Variants in RBFOX1 observed in about 807,000 individuals in gnomAD.
The protein encoded by RBFOX1 is RNA binding protein fox-1 homolog 1.
Under a neutral mutation model 57.7 loss-of-function variants are expected in RBFOX1, and 8 were observed. That is an observed-to-expected ratio of 0.14 (90% confidence interval 0.08 to 0.25). The LOEUF (loss-of-function observed/expected upper bound fraction) is 0.25, where lower values mean the gene tolerates loss of function less well. RBFOX1 is among the 10% of genes least tolerant of loss of function. RBFOX1 has a pLI of 1.00. For missense variants in RBFOX1, 611 were observed against 548.5 expected, an observed-to-expected ratio of 1.11 and a Z score of -1.14; for synonymous variants, 326 against 222.4, an observed-to-expected ratio of 1.47 and a Z score of -4.15.
intron 11 of RBFOX1, among the ~76,000 whole-genome samples, chr16:7,634,669 A>G (rs570242171): frequency 8.9e-4 from 135 of 152,258 alleles, no homozygotes; most frequent in African/African-American, 3.2e-3. Context: ...GTGTCCATAC[A>G]ACTAATTCCG....
At chr16:7,345,134 C>G (rs188710599) in intron 4 of RBFOX1, among the ~76,000 whole-genome samples, 19 of 152,204 alleles carry the variant, frequency 1.2e-4, no homozygotes, top group African/African-American at 2.9e-4. Flanking sequence ...AATACACTTT[C>G]TGTTTTCCGT....
Position 7,279,905 on chromosome 16 carries a change from G to T in RBFOX1, c.27+227807G>T, listed in dbSNP as rs80130402. ...GGAAATTGATCATTGGCTCATTATG[G>T]TCCTGATCAGGTATGACCTTTGAGA... On this transcript the variant is annotated intron_variant, in intron 4 of 15. Transcript: ENST00000550418. Among the ~76,000 whole-genome samples, 12 of 152,284 alleles carry T rather than the reference G, an allele frequency of 7.9e-5. No homozygotes were observed. The East Asian group carries it at 1.9e-3, about 25-fold the overall frequency.
chr16:6,642,250 G>A (rs1282110401), intron 2 of RBFOX1, among the ~76,000 whole-genome samples: 2 of 152,176 alleles, frequency 1.3e-5, no homozygotes, highest in African/African-American at 4.8e-5. Flanking sequence ...ATCTCGAGAA[G>A]TATTCTTCTT....
At chr16:6,366,087 G>A (rs1208286453) in intron 2 of RBFOX1, among the ~76,000 whole-genome samples, 1 of 49,746 alleles carries the variant, frequency 2.0e-5, no homozygotes, top group African/African-American at 5.5e-5. Flanking sequence ...GCCATTCTAT[G>A]TGTGTGTGTG....
chr16:6,183,953 G>A (rs768329456), intron 1 of RBFOX1, among the ~76,000 whole-genome samples: 13 of 152,192 alleles, frequency 8.5e-5, no homozygotes, highest in Non-Finnish European at 1.2e-4. Context: ...ACATACCTGA[G>A]AGTGGGTCAT....
intron 1 of RBFOX1, among the ~76,000 whole-genome samples, chr16:6,295,560 A>C (rs1239587372): frequency 6.6e-6 from 1 of 152,228 alleles, no homozygotes; most frequent in Non-Finnish European, 1.5e-5. Flanking sequence ...ATTCCAATAC[A>C]CCAATGAGAG....
chr16:7,080,126 A>G (rs1352150477), intron 4 of RBFOX1, among the ~76,000 whole-genome samples: 1 of 149,666 alleles, frequency 6.7e-6, no homozygotes, highest in East Asian at 2.0e-4. Context: ...AAAAAAGACT[A>G]GTATACTTTA....
intron 4 of RBFOX1, among the ~76,000 whole-genome samples, chr16:7,512,238 C>T (rs1165863700): frequency 1.3e-5 from 2 of 152,312 alleles, no homozygotes; most frequent in East Asian, 3.9e-4. Flanking sequence ...CAGCTTCCAA[C>T]CCAGGAGCCT....
At chr16:5,774,021 C>G (rs1435088147) in intron 3 of RBFOX1, among the ~76,000 whole-genome samples, 2 of 152,140 alleles carry the variant, frequency 1.3e-5, no homozygotes, top group East Asian at 3.9e-4. Flanking sequence ...TCGATACTGC[C>G]CATTTGCCCT....
At chr16:5,376,265 A>G (rs1354301057) in intron 1 of RBFOX1, among the ~76,000 whole-genome samples, 4 of 151,922 alleles carry the variant, frequency 2.6e-5, no homozygotes, top group Non-Finnish European at 5.9e-5. Flanking sequence ...TTCTGAGAGC[A>G]TGCGCGGAAC....
intron 4 of RBFOX1, among the ~76,000 whole-genome samples, chr16:5,875,224 A>T (rs1208932282): frequency 2.6e-5 from 4 of 152,200 alleles, no homozygotes; most frequent in African/African-American, 9.6e-5. Flanking sequence ...AATAACTGTG[A>T]ATGCCTCCAT....
chr16:5,273,651 T>C (rs565371146), intron 1 of RBFOX1, among the ~76,000 whole-genome samples: 8 of 151,916 alleles, frequency 5.3e-5, no homozygotes, highest in Admixed American at 4.6e-4. Flanking sequence ...GAAGAGAAGG[T>C]TTTTGTGAGT....
chr16:5,631,298 C>A (rs969232533), intron 3 of RBFOX1, among the ~76,000 whole-genome samples: 1 of 152,140 alleles, frequency 6.6e-6, no homozygotes, highest in African/African-American at 2.4e-5. Context: ...GTGGCTTACG[C>A]CTGTAATCCC....
intron 1 of RBFOX1, among the ~76,000 whole-genome samples, chr16:6,175,683 C>CT (rs1336759080): frequency 6.6e-6 from 1 of 152,168 alleles, no homozygotes; most frequent in African/African-American, 2.4e-5. Flanking sequence ...TGGATTCAGT[C>CT]TGGCATGGGG....
At chr16:5,743,654 A>G (rs1233155521) in intron 3 of RBFOX1, among the ~76,000 whole-genome samples, 2 of 152,252 alleles carry the variant, frequency 1.3e-5, no homozygotes, top group Admixed American at 6.5e-5. Context: ...GATTTTCATT[A>G]TATTTCTTTT....
At chr16:7,322,137 T>C (rs1380892534) in intron 4 of RBFOX1, among the ~76,000 whole-genome samples, 1 of 152,236 alleles carries the variant, frequency 6.6e-6, no homozygotes, top group Non-Finnish European at 1.5e-5. Context: ...TTTTTTCCCC[T>C]GGTCTGAAGC....
At chr16:5,969,193 T>G (rs1009001452) in intron 4 of RBFOX1, among the ~76,000 whole-genome samples, 1 of 152,086 alleles carries the variant, frequency 6.6e-6, no homozygotes, top group African/African-American at 2.4e-5. Context: ...TTTTTGACAA[T>G]GCCTCTCTGG....
intron 3 of RBFOX1, among the ~76,000 whole-genome samples, chr16:6,996,599 G>A (rs1430062542): frequency 3.9e-5 from 6 of 152,098 alleles, no homozygotes; most frequent in African/African-American, 1.4e-4. Context: ...TTATGCTTTA[G>A]GCACTGTATT....
intron 14 of RBFOX1, 86 bp from the exon 15 acceptor site, chr16:7,708,970 A>T: frequency 7.8e-7 from 1 of 1,281,000 alleles, no homozygotes; most frequent in Non-Finnish European, 1.1e-6. Context: ...GCCCCTGCAT[A>T]CTGTCTTGGT....
Sources: allele counts gnomAD v4.1 joint callset (sites outside exome capture counted in the v4.1 genomes callset), GRCh38; gene constraint gnomAD v4.1.1; transcripts MANE v1.5; gene names NCBI Gene and HGNC (gene_info 2026-07-23, HGNC 2026-07-21).